The following GNAS-AS1 variants were observed in gnomAD, a reference collection of about 807,000 sequenced individuals.
GNAS-AS1 encodes GNAS antisense RNA 1.
exon 5 of GNAS-AS1, chr20:58,819,160 T>C (rs944590076): frequency 2.5e-6 from 1 of 398,528 alleles, no homozygotes; most frequent in Non-Finnish European, 4.4e-6. Flanking sequence ...TGAAGTACTA[T>C]GGTTTTCAAA....
chr20:58,827,984 A>C (rs922384812), intron 4 of GNAS-AS1, among the ~76,000 whole-genome samples: 3 of 103,684 alleles, frequency 2.9e-5, no homozygotes, highest in Admixed American at 9.8e-5. Flanking sequence ...GAAGCTGCTG[A>C]TATGTTATCA....
At position 58,840,087 on chromosome 20, in the gene GNAS-AS1, C is replaced by G; in HGVS notation, n.819+1850G>C. The G allele has an allele frequency of 6.2e-7, 1 of 1,609,338 alleles. No individual in the cohort carries two copies. The highest frequency in any genetic ancestry group is 8.5e-7 in the Non-Finnish European group (1 of 1,179,972). On this transcript the variant is annotated intron_variant and non_coding_transcript_variant, in intron 4 of 4. Coordinates refer to ENST00000424094, the Ensembl canonical transcript of GNAS-AS1. This position sits in a 1 kb window ranked among gnomAD's most constrained non-coding sequence, Gnocchi z 6.0. ...GCAGAGCCAGAGGGCAGGCCGGCTTCTCGGTGTGTGCCTAAGAGGATGGAT... is the reference window on the plus strand; with the variant it reads ...GCAGAGCCAGAGGGCAGGCCGGCTTGTCGGTGTGTGCCTAAGAGGATGGAT...
chr20:58,842,492 T>G, exon 3 of GNAS-AS1: 1 of 398,658 alleles, frequency 2.5e-6, no homozygotes, highest in Non-Finnish European at 4.4e-6. Flanking sequence ...CGCCCAAGAC[T>G]TAGTTCTGCC....
chr20:58,850,850 GCTTCCAACCACCCCA>G, exon 1 of GNAS-AS1: 1 of 398,830 alleles, frequency 2.5e-6, no homozygotes, highest in Non-Finnish European at 4.4e-6. Flanking sequence ...CCCCCCACCG[GCTTCCAACCACCCCA>G]GCAGCACCTC....
chr20:58,833,481 C>T (rs934039664), intron 4 of GNAS-AS1, among the ~76,000 whole-genome samples: 37 of 152,136 alleles, frequency 2.4e-4, no homozygotes, highest in African/African-American at 6.5e-4. Flanking sequence ...CAATGTATGT[C>T]ACTCATGGGC....
Position 58,841,214 on chromosome 20 carries a change from C to A in GNAS-AS1, n.819+723G>T, listed in dbSNP as rs1863897393. ...CCAGATTTGGAGCTGCACACCCAAA[C>A]GGCATTGGTAAGTCACTTGTTTTGC... On this transcript the variant is annotated intron_variant and non_coding_transcript_variant, in intron 4 of 4. Coordinates refer to ENST00000424094, the Ensembl canonical transcript of GNAS-AS1. This position sits in a 1 kb window ranked among gnomAD's most constrained non-coding sequence, Gnocchi z 5.0. 9.1e-6 allele frequency: 6 copies of A among 658,498 alleles called. No homozygotes were observed. The South Asian group carries it at 1.6e-4, about 17-fold the overall frequency. 40.8% of individuals were successfully genotyped at this position (658,498 alleles called of 1,614,324 possible). A position where few individuals can be genotyped will look rare whatever the true frequency, so the allele number is the denominator to read the frequency against.
At chr20:58,844,961 A>C (rs2085888788) in intron 2 of GNAS-AS1, among the ~76,000 whole-genome samples, 1 of 152,272 alleles carries the variant, frequency 6.6e-6, no homozygotes, top group Non-Finnish European at 1.5e-5. Context: ...TAGAGAATGC[A>C]GAATTCCACT....
intron 4 of GNAS-AS1, among the ~76,000 whole-genome samples, chr20:58,830,684 C>T: frequency 7.0e-6 from 1 of 142,348 alleles, no homozygotes; most frequent in Non-Finnish European, 1.5e-5. Context: ...ATCACCACTA[C>T]CATCACAACC....
intron 2 of GNAS-AS1, among the ~76,000 whole-genome samples, chr20:58,844,732 A>G (rs2085878008): frequency 6.6e-6 from 1 of 152,136 alleles, no homozygotes; most frequent in Non-Finnish European, 1.5e-5. Context: ...TTGCTCAAAT[A>G]AAAAGCACCA....
chr20:58,825,288 G>GGT (rs1397151797), intron 4 of GNAS-AS1, among the ~76,000 whole-genome samples: 2 of 152,186 alleles, frequency 1.3e-5, no homozygotes, highest in Non-Finnish European at 2.9e-5. Context: ...TATCCCCTTT[G>GGT]GTGGGAAATC....
At chr20:58,848,601 C>T (rs908738948) in intron 2 of GNAS-AS1, among the ~76,000 whole-genome samples, 11 of 152,328 alleles carry the variant, frequency 7.2e-5, no homozygotes, top group Admixed American at 2.0e-4. Context: ...TAACATCCAG[C>T]ACTGGCCATC....
chr20:58,826,330 GC>G (rs2085520155), intron 4 of GNAS-AS1, among the ~76,000 whole-genome samples: 1 of 152,202 alleles, frequency 6.6e-6, no homozygotes, highest in African/African-American at 2.4e-5. Context: ...CTGCTCTGCT[GC>G]CCCTGTCATC....
Position 58,841,947 on chromosome 20 carries a change from C to A in GNAS-AS1, n.809G>T. 1 of 1,167,090 alleles carries A rather than the reference C, an allele frequency of 8.6e-7. No homozygotes were observed. The highest frequency in any genetic ancestry group is 1.1e-6 in the Non-Finnish European group (1 of 928,928). 72.3% of individuals were successfully genotyped at this position (1,167,090 alleles called of 1,614,324 possible). The stretch of plus-strand genomic sequence containing the variant: ...ATCAGGATAACTTACAATTCGTTTC[C>A]AAAGAGCGCGGTACGCGCAGAGCTG... On this transcript the variant is annotated non_coding_transcript_exon_variant, in exon 4 of 5. Coordinates refer to ENST00000424094, the Ensembl canonical transcript of GNAS-AS1. The surrounding 1 kb of genome is among the most constrained non-coding windows in gnomAD (Gnocchi z 5.0).
At chr20:58,850,786 C>T in exon 1 of GNAS-AS1, 1 of 398,872 alleles carries the variant, frequency 2.5e-6, no homozygotes, top group Non-Finnish European at 4.4e-6. Flanking sequence ...GGAAGAGTGA[C>T]CCCACGGCGC....
intron 4 of GNAS-AS1, among the ~76,000 whole-genome samples, chr20:58,832,801 A>G (rs2085575928): frequency 6.6e-6 from 1 of 152,248 alleles, no homozygotes; most frequent in South Asian, 2.1e-4. Flanking sequence ...ACGAAGTGAC[A>G]AGATGAAGAT....
intron 4 of GNAS-AS1, among the ~76,000 whole-genome samples, chr20:58,833,261 T>TGAA (rs1471239327): frequency 2.6e-5 from 4 of 152,204 alleles, no homozygotes; most frequent in Non-Finnish European, 4.4e-5. Flanking sequence ...CCCTCCTCAG[T>TGAA]GAAGAGCAGG....
At chr20:58,831,308 G>C (rs145344208) in intron 4 of GNAS-AS1, among the ~76,000 whole-genome samples, 67 of 151,940 alleles carry the variant, frequency 4.4e-4, no homozygotes, top group African/African-American at 1.6e-3. Context: ...CTCACATCGG[G>C]TTGCCAGCTG....
chr20:58,820,088 C>T (rs564695552), intron 4 of GNAS-AS1, among the ~76,000 whole-genome samples: 240 of 152,362 alleles, frequency 1.6e-3, no homozygotes, highest in African/African-American at 5.5e-3. Context: ...AGAGTTCAGA[C>T]GCCCGCTCCA....
rs2085700327 is a variant in GNAS-AS1, at chr20:58,841,044, C to A, written n.819+893G>T. 6.6e-6 allele frequency among the ~76,000 whole-genome samples: 1 copy of A among 152,072 alleles called. No individual in the cohort carries two copies. Among genetic ancestry groups the A allele is most frequent in the Non-Finnish European group, 1.5e-5 (1 of 68,010 alleles). ...GGGGGTCAGGGTGAGGCGGCGAGGGCTCCCCCAAACTTCCCAGGATGCCAG... is the reference window on the plus strand; with the variant it reads ...GGGGGTCAGGGTGAGGCGGCGAGGGATCCCCCAAACTTCCCAGGATGCCAG... On this transcript the variant is annotated intron_variant and non_coding_transcript_variant, in intron 4 of 4. Coordinates refer to ENST00000424094, the Ensembl canonical transcript of GNAS-AS1. The surrounding 1 kb of genome is among the most constrained non-coding windows in gnomAD (Gnocchi z 5.0).
Sources: allele counts gnomAD v4.1 joint callset (sites outside exome capture counted in the v4.1 genomes callset), GRCh38; gene constraint gnomAD v4.1.1; non-coding constraint Gnocchi (gnomAD v3.1); transcripts MANE v1.5; gene names NCBI Gene and HGNC (gene_info 2026-07-23, HGNC 2026-07-21).